Variants in TCERG1L observed in about 807,000 individuals in gnomAD.
TCERG1L encodes the protein transcription elongation regulator 1 like.
Under a neutral mutation model 56.3 loss-of-function variants are expected in TCERG1L, and 37 were observed. That is an observed-to-expected ratio of 0.66 (90% CI 0.51 to 0.87). The LOEUF is 0.87. Ranked by LOEUF, TCERG1L falls within the 40% of genes least tolerant of loss-of-function variation. The pLI is 0.00. For synonymous variants in TCERG1L, 324 were observed against 326.3 expected (o/e 0.99, Z 0.08); for missense variants, 799 against 774.2 (o/e 1.03, Z -0.38).
intron 11 of TCERG1L, 97 bp downstream of exon 11, chr10:131,098,209 G>T: frequency 7.7e-7 from 1 of 1,294,742 alleles, no homozygotes; most frequent in Non-Finnish European, 1.1e-6. Context: ...GTGGAAGGCT[G>T]GGTTACACGA....
At chr10:131,223,332 C>G (rs888231108) in intron 4 of TCERG1L, among the ~76,000 whole-genome samples, 2 of 152,190 alleles carry the variant, frequency 1.3e-5, no homozygotes, top group East Asian at 3.9e-4. Context: ...TGGATGGGAC[C>G]GCATGCTCCG....
intron 4 of TCERG1L, among the ~76,000 whole-genome samples, chr10:131,250,231 A>T (rs1458290851): frequency 2.0e-5 from 3 of 152,214 alleles, no homozygotes; most frequent in Non-Finnish European, 4.4e-5. Context: ...GGTTTCTGCA[A>T]GTGGCCTGGA....
At chr10:131,296,616 C>T (rs544672518) in intron 3 of TCERG1L, among the ~76,000 whole-genome samples, 2 of 152,292 alleles carry the variant, frequency 1.3e-5, no homozygotes, top group African/African-American at 4.8e-5. Flanking sequence ...ACTTCCTTTG[C>T]CTGTCCATAT....
At chr10:131,218,993 G>A (rs1403299051) in intron 4 of TCERG1L, among the ~76,000 whole-genome samples, 1 of 152,134 alleles carries the variant, frequency 6.6e-6, no homozygotes, top group Non-Finnish European at 1.5e-5. Flanking sequence ...ACCAGCCACT[G>A]TCACTCCTCC....
chr10:131,208,485 C>T (rs995360622), intron 4 of TCERG1L, among the ~76,000 whole-genome samples: 4 of 152,214 alleles, frequency 2.6e-5, no homozygotes, highest in Admixed American at 2.6e-4. Flanking sequence ...CTTCCACGTC[C>T]TCAGCATCCC....
intron 4 of TCERG1L, among the ~76,000 whole-genome samples, chr10:131,206,101 G>C (rs1455776901): frequency 1.3e-5 from 2 of 152,246 alleles, no homozygotes; most frequent in Non-Finnish European, 2.9e-5. Context: ...GGATTCCCAG[G>C]CGGGAGAACT....
intron 3 of TCERG1L, among the ~76,000 whole-genome samples, chr10:131,277,474 G>A (rs1331239064): frequency 6.6e-6 from 1 of 152,180 alleles, no homozygotes; most frequent in Non-Finnish European, 1.5e-5. Context: ...CCACAAGAGA[G>A]GGCCGCTCCC....
intron 6 of TCERG1L, among the ~76,000 whole-genome samples, chr10:131,153,431 G>C (rs1463666165): frequency 2.0e-5 from 3 of 152,156 alleles, no homozygotes; most frequent in African/African-American, 7.2e-5. Context: ...CAAATGCACT[G>C]AGACCCTAGA....
intron 4 of TCERG1L, among the ~76,000 whole-genome samples, chr10:131,227,607 C>T (rs995462041): frequency 6.6e-6 from 1 of 152,210 alleles, no homozygotes; most frequent in Non-Finnish European, 1.5e-5. Flanking sequence ...TCGGCCCGAC[C>T]CTGGGTTCTC....
At chr10:131,283,245 C>A (rs192204240) in intron 3 of TCERG1L, among the ~76,000 whole-genome samples, 1 of 152,224 alleles carries the variant, frequency 6.6e-6, no homozygotes, top group African/African-American at 2.4e-5. Context: ...AAGTCGACTT[C>A]TTTCCATTTC....
At chr10:131,217,000 C>T (rs1037514684) in intron 4 of TCERG1L, among the ~76,000 whole-genome samples, 2 of 152,166 alleles carry the variant, frequency 1.3e-5, no homozygotes, top group Non-Finnish European at 2.9e-5. Context: ...ACTCCTCCAC[C>T]GTCCCACACC....
chr10:131,235,181 T>C (rs935622485), intron 4 of TCERG1L, among the ~76,000 whole-genome samples: 3 of 152,182 alleles, frequency 2.0e-5, no homozygotes, highest in Non-Finnish European at 2.9e-5. Context: ...ACCATGAAAA[T>C]GCTTATGCCT....
At chr10:131,125,209 A>ATGATGATGATGGTGG (rs386372863) in intron 8 of TCERG1L, among the ~76,000 whole-genome samples, 5 of 39,150 alleles carry the variant, frequency 1.3e-4, no homozygotes, top group South Asian at 8.9e-4. Context: ...GGTGATGAAC[A>ATGATGATGATGGTGG]TGATGATGAT....
chr10:131,267,454 T>A lies in TCERG1L; in HGVS notation c.671-7010A>T, dbSNP rs1025635376. Among the ~76,000 whole-genome samples, 10 of 152,288 alleles carry A rather than the reference T, an allele frequency of 6.6e-5. No homozygotes were observed. In the East Asian group the frequency reaches 1.2e-3, roughly 18 times the overall value. ...GTGGCTGCAACTGAGCCTCGGCAGCTCCCACACTGCCAACTTGAGGGGGGT... is the reference window on the plus strand; with the variant it reads ...GTGGCTGCAACTGAGCCTCGGCAGCACCCACACTGCCAACTTGAGGGGGGT... On this transcript the variant is annotated intron_variant, in intron 3 of 11. Transcript: ENST00000368642. This position sits in a 1 kb window ranked among gnomAD's most constrained non-coding sequence, Gnocchi z 4.9.
chr10:131,268,012 G>T (rs1846304044), intron 3 of TCERG1L, among the ~76,000 whole-genome samples: 1 of 152,184 alleles, frequency 6.6e-6, no homozygotes, highest in African/African-American at 2.4e-5. Context: ...GCTGCCAGGA[G>T]TGCCAGGCTC....
Position 131,103,769 on chromosome 10 carries a change from G to T in TCERG1L, c.1485+496C>A, listed in dbSNP as rs1462806982. Among the ~76,000 whole-genome samples, 2 of 152,144 alleles carry T rather than the reference G, an allele frequency of 1.3e-5. No individual in the cohort carries two copies. The highest frequency in any genetic ancestry group is 2.9e-5 in the Non-Finnish European group (2 of 68,034). The stretch of plus-strand genomic sequence containing the variant: ...CTGTGGTTCTTGTAGAGTCTTTTTA[G>T]TTATCAGGTATACAAGTATGAGAAC... On this transcript the variant is annotated intron_variant, in intron 10 of 11. Transcript: ENST00000368642. The surrounding 1 kb of genome is among the most constrained non-coding windows in gnomAD (Gnocchi z 4.3).
intron 4 of TCERG1L, among the ~76,000 whole-genome samples, chr10:131,180,215 C>T (rs895517358): frequency 2.6e-5 from 4 of 152,168 alleles, no homozygotes; most frequent in Non-Finnish European, 5.9e-5. Flanking sequence ...ACGGGAATGG[C>T]AGATAGGGAT....
At chr10:131,297,027 T>C (rs1191840028) in intron 3 of TCERG1L, among the ~76,000 whole-genome samples, 1 of 152,230 alleles carries the variant, frequency 6.6e-6, no homozygotes, top group African/African-American at 2.4e-5. Flanking sequence ...TGTCTGCACA[T>C]AGAGACAGTT....
intron 4 of TCERG1L, among the ~76,000 whole-genome samples, chr10:131,169,448 G>T (rs151319370): frequency 2.6e-5 from 4 of 152,204 alleles, no homozygotes; most frequent in Admixed American, 1.3e-4. Context: ...AGGCCCAAGC[G>T]ATGGGACGAG....
Sources: allele counts gnomAD v4.1 joint callset (sites outside exome capture counted in the v4.1 genomes callset), GRCh38; gene constraint gnomAD v4.1.1; non-coding constraint Gnocchi (gnomAD v3.1); transcripts MANE v1.5; gene names NCBI Gene and HGNC (gene_info 2026-07-23, HGNC 2026-07-21).